RBM28: variants seen among roughly 807,000 people sequenced by gnomAD.
RBM28 encodes the protein RNA-binding protein 28.
A neutral mutation model predicts 98.3 loss-of-function variants in RBM28; 78 were observed. The observed-to-expected ratio is 0.79, with a 90% CI of 0.66 to 0.96. The LOEUF (loss-of-function observed/expected upper bound fraction) is 0.96. RBM28 is among the 40% of genes least tolerant of loss of function. RBM28 has a pLI of 0.00. For missense variants in RBM28, 838 were observed against 913.0 expected, an observed-to-expected ratio of 0.92 and a Z score of 1.06; for synonymous variants, 306 against 330.9, an observed-to-expected ratio of 0.92 and a Z score of 0.82.
In RBM28 at chr7:128,306,597, T is replaced by C. The variant is rs1045520152; in HGVS notation, c.*4200A>G. The C allele has an allele frequency of 3.3e-5, 5 of 152,212 alleles. No individual in the cohort carries two copies. The highest frequency in any genetic ancestry group is 4.8e-5 in the African/African-American group (2 of 41,452). The allele number at this position is 152,212 out of a possible 1,614,324, so 9.4% of individuals were successfully genotyped here. A position where few individuals can be genotyped will look rare whatever the true frequency, so the allele number is the denominator to read the frequency against. ...ATGTCCAGGGAAGGAAACTGTGGGATGACACTGTGGCAGTGAAGTCTCACA... is the reference window on the plus strand; with the variant it reads ...ATGTCCAGGGAAGGAAACTGTGGGACGACACTGTGGCAGTGAAGTCTCACA... On this transcript the variant is annotated 3_prime_UTR_variant, in exon 19 of 19. Transcript: ENST00000223073.
intron 14 of RBM28, among the ~76,000 whole-genome samples, chr7:128,320,584 T>C (rs187340072): frequency 1.9e-4 from 29 of 152,262 alleles, no homozygotes; most frequent in Admixed American, 1.6e-3. Context: ...CCACAAGGCA[T>C]AGGGGACTCT....
intron 1 of RBM28, chr7:128,341,131 A>G (rs767949472): frequency 1.0e-5 from 13 of 1,286,038 alleles, no homozygotes. Context: ...AAAAGGACAC[A>G]TAGTTCATAT....
At chr7:128,336,072 T>A in intron 6 of RBM28, 30 bp from the exon 7 acceptor site, 1 of 1,562,850 alleles carries the variant, frequency 6.4e-7, no homozygotes. Flanking sequence ...AAGGAGGAAT[T>A]CATTTAATAT....
At chr7:128,320,227 A>G (rs1265194231) in intron 14 of RBM28, among the ~76,000 whole-genome samples, 2 of 114,282 alleles carry the variant, frequency 1.8e-5, no homozygotes, top group East Asian at 2.4e-4. Context: ...AAAAAAAAAA[A>G]AAAAAAAAGA....
intron 6 of RBM28, among the ~76,000 whole-genome samples, chr7:128,336,836 C>T (rs1394372423): frequency 1.3e-5 from 2 of 152,120 alleles, no homozygotes; most frequent in Admixed American, 1.3e-4. Context: ...TCACTGCAAC[C>T]TCTGCCTCCC....
rs148560991 is a variant in RBM28 at position 128,317,930 on chromosome 7, C to A, written c.1713+27G>T. On this transcript the variant is annotated intron_variant, in intron 15 of 18. Transcript: ENST00000223073. Reference sequence around the variant, plus strand: ...TTTCCTGCAAGTGGTCCTAAGGGAACAAGTCTCCCCAGAGGACAAGGCCTA... The same window carrying A: ...TTTCCTGCAAGTGGTCCTAAGGGAAAAAGTCTCCCCAGAGGACAAGGCCTA... 10 of 1,613,376 alleles carry A rather than the reference C, an allele frequency of 6.2e-6. No homozygotes were observed. The East Asian group carries it at 2.0e-4, about 32-fold the overall frequency.
chr7:128,326,642 T>C (rs1796359036), intron 10 of RBM28, among the ~76,000 whole-genome samples: 1 of 152,122 alleles, frequency 6.6e-6, no homozygotes, highest in East Asian at 1.9e-4. Flanking sequence ...ATTCACACAA[T>C]GACAAAATCA....
rs1392580594 is a variant in RBM28 at position 128,301,766 on chromosome 7, C to T, written c.*9031G>A. On this transcript the variant is annotated 3_prime_UTR_variant, in exon 19 of 19. Transcript: ENST00000223073. ...TCACAGACCACTCTCACTGCACTGG[C>T]TATTAAGTGCCTGCTCTCTACTAGG... 1 of 152,240 alleles carries T rather than the reference C, an allele frequency of 6.6e-6. No homozygotes were observed. Among genetic ancestry groups the T allele is most frequent in the Admixed American group, 6.5e-5 (1 of 15,284 alleles). The allele number at this position is 152,240 out of a possible 1,614,324, so 9.4% of individuals were successfully genotyped here. A position where few individuals can be genotyped will look rare whatever the true frequency, so the allele number is the denominator to read the frequency against.
At chr7:128,330,170 AAAG>A (rs1053842328) in intron 10 of RBM28, among the ~76,000 whole-genome samples, 3 of 152,152 alleles carry the variant, frequency 2.0e-5, no homozygotes, top group Non-Finnish European at 2.9e-5. Flanking sequence ...CAGGAAAAAA[AAAG>A]ATCCTGGTAA....
Position 128,310,345 on chromosome 7 carries a change from T to C in RBM28, c.*452A>G, listed in dbSNP as rs2116315260. The C allele has an allele frequency of 4.1e-6, 1 of 243,342 alleles. No individual in the cohort carries two copies. The highest frequency in any genetic ancestry group is 8.1e-6 in the Non-Finnish European group (1 of 123,784). The allele number at this position is 243,342 out of a possible 1,614,324, so 15.1% of individuals were successfully genotyped here. Reference sequence around the variant, plus strand: ...TAAGACTACAGAGCTGAATTAGGAATGTCAAAGAATGTTCATACATAATAA... The same window carrying C: ...TAAGACTACAGAGCTGAATTAGGAACGTCAAAGAATGTTCATACATAATAA... On this transcript the variant is annotated 3_prime_UTR_variant, in exon 19 of 19. Coordinates refer to ENST00000223073, the MANE Select transcript of RBM28 (RefSeq NM_018077.3).
chr7:128,318,124 A>G lies in RBM28; in HGVS notation c.1564-18T>C, dbSNP rs1188198827. On this transcript the variant is annotated intron_variant, in intron 14 of 18. Transcript: ENST00000223073. The stretch of plus-strand genomic sequence containing the variant: ...ACTCTACACTATGAGTAGAGCAAGA[A>G]AAAAATCAGTAATTACAGAATGAGA... 1 of 1,600,414 alleles carries G rather than the reference A, an allele frequency of 6.2e-7. No homozygotes were observed.
chr7:128,341,130 CA>C, intron 1 of RBM28: 1 of 1,285,704 alleles, frequency 7.8e-7, no homozygotes, highest in Non-Finnish European at 1.0e-6. Flanking sequence ...GAAAAGGACA[CA>C]TAGTTCATAT....
intron 18 of RBM28, among the ~76,000 whole-genome samples, chr7:128,312,745 ATTT>A: frequency 6.6e-6 from 1 of 152,198 alleles, no homozygotes; most frequent in Non-Finnish European, 1.5e-5. Flanking sequence ...TTAATATATC[ATTT>A]GTGTAGTAGA....
At chr7:128,313,575 G>A (rs13239882) in intron 17 of RBM28, among the ~76,000 whole-genome samples, 16,003 of 152,184 alleles carry the variant, frequency 0.11, 1,114 homozygotes, top group South Asian at 0.19. Context: ...GTTACAGTGC[G>A]CTATGATCAT....
intron 10 of RBM28, among the ~76,000 whole-genome samples, chr7:128,329,129 T>G (rs1320392436): frequency 1.3e-5 from 2 of 152,088 alleles, no homozygotes; most frequent in Non-Finnish European, 2.9e-5. Flanking sequence ...GACGGAGTCT[T>G]GCTCTTGTTG....
rs1289286377 is a variant in RBM28 at position 128,339,613 on chromosome 7, T to C, written c.277+20A>G. On this transcript the variant is annotated intron_variant, in intron 2 of 18. Transcript: ENST00000223073. ...TCCTCACCCTGGGAGAAAAACTTCC[T>C]TCAATTACTAGAAACTCACCATTTT... is the stretch of plus-strand genomic sequence containing the variant. The C allele has an allele frequency of 1.9e-6, 3 of 1,612,384 alleles. No homozygotes were observed. The South Asian group carries it at 3.3e-5, about 18-fold the overall frequency.
chr7:128,337,758 A>G (rs905961383), intron 5 of RBM28, among the ~76,000 whole-genome samples: 4 of 152,012 alleles, frequency 2.6e-5, no homozygotes, highest in African/African-American at 9.7e-5. Flanking sequence ...GGGTTTCGCC[A>G]TGTTGACCAG....
Position 128,325,907 on chromosome 7 carries a change from C to T in RBM28, c.1130-16G>A. 1 of 1,607,526 alleles carries T rather than the reference C, an allele frequency of 6.2e-7. No individual in the cohort carries two copies. ...AATGCACAACCTGCACAAGGAGACACAATTCAGTGAGATCCCAAACTCCCA... is the reference window on the plus strand; with the variant it reads ...AATGCACAACCTGCACAAGGAGACATAATTCAGTGAGATCCCAAACTCCCA... On this transcript the variant is annotated splice_polypyrimidine_tract_variant and intron_variant, in intron 10 of 18. Coordinates refer to ENST00000223073, the MANE Select transcript of RBM28 (RefSeq NM_018077.3).
intron 10 of RBM28, among the ~76,000 whole-genome samples, chr7:128,329,553 G>A (rs756807519): frequency 2.0e-5 from 3 of 152,170 alleles, no homozygotes; most frequent in Non-Finnish European, 4.4e-5. Flanking sequence ...TCTAAGGAGA[G>A]GATTCACAGC....
Sources: gnomAD v4.1 joint callset for allele counts (sites outside exome capture counted in the v4.1 genomes callset) on GRCh38, gnomAD v4.1.1 for gene constraint, MANE v1.5 for transcripts, NCBI Gene and HGNC (gene_info 2026-07-23, HGNC 2026-07-21) for gene names.